SLC27A5: variants seen among roughly 807,000 people sequenced by gnomAD.
SLC27A5 encodes the protein solute carrier family 27 member 5.
In SLC27A5, 47 loss-of-function variants were observed where a neutral mutation model predicts 63.1. That is an observed-to-expected ratio of 0.74 (90% CI 0.59 to 0.95). The LOEUF is 0.95. Among genes scored for constraint, SLC27A5 ranks in the 40% least tolerant of loss-of-function variants. The pLI, the probability that SLC27A5 is intolerant of heterozygous loss-of-function variation, is 0.00. For missense variants in SLC27A5, 940 were observed against 921.0 expected (o/e 1.02, Z -0.27); for synonymous variants, 391 against 403.8 (o/e 0.97, Z 0.38).
Position 58,501,213 on chromosome 19 carries a change from T to G in SLC27A5, c.1182+73A>C. 1.9e-6 allele frequency: 3 copies of G among 1,561,082 alleles called. No homozygotes were observed. The African/African-American group carries it at 4.1e-5, about 21-fold the overall frequency. On this transcript the variant is annotated intron_variant, in intron 4 of 9. Coordinates refer to ENST00000263093, the MANE Select transcript of SLC27A5 (RefSeq NM_012254.3). Reference sequence around the variant, plus strand: ...GAGGGACTTGAGTTCAGTACCTGAATCTTTACCTGAGACCTTTACCTGGGA... The same window carrying G: ...GAGGGACTTGAGTTCAGTACCTGAAGCTTTACCTGAGACCTTTACCTGGGA...
At chr19:58,503,029 A>G (rs1247485448) in intron 3 of SLC27A5, among the ~76,000 whole-genome samples, 1 of 151,856 alleles carries the variant, frequency 6.6e-6, no homozygotes, top group Non-Finnish European at 1.5e-5. Context: ...ACACGGTGAA[A>G]CCCGTCTCTA....
chr19:58,503,372 A>G (rs1286891811), intron 3 of SLC27A5, among the ~76,000 whole-genome samples: 2 of 151,956 alleles, frequency 1.3e-5, no homozygotes, highest in Non-Finnish European at 2.9e-5. Context: ...TTAATAAGAT[A>G]TAGGGGGCTG....
chr19:58,510,374 G>A, intron 2 of SLC27A5: 1 of 328,840 alleles, frequency 3.0e-6, no homozygotes, highest in Non-Finnish European at 5.6e-6. Context: ...AGGGGTTAGA[G>A]ACCAGCCTGG....
rs1170345884 is a variant in SLC27A5 at position 58,499,208 on chromosome 19, C to G, written c.1680G>C (p.Glu560Asp). 6.2e-7 allele frequency: 1 copy of G among 1,613,832 alleles called. No individual in the cohort carries two copies. Among genetic ancestry groups the G allele is most frequent in the Middle Eastern group, 1.6e-4 (1 of 6,062 alleles). Residue 560 changes from glutamate (E) to aspartate (D), a missense_variant, in exon 8 of 10, where the codon GAG becomes GAC. Transcript: ENST00000263093. ...RLGDTFRWKG[E>D]NVSTHEVEGV... Reference sequence around the variant, plus strand: ...CCTCCACCTCGTGCGTGGACACGTTCTCGCCCTTCCATCTGCAAGGAGGGA... The same window carrying G: ...CCTCCACCTCGTGCGTGGACACGTTGTCGCCCTTCCATCTGCAAGGAGGGA...
Position 58,510,876 on chromosome 19 carries a change from C to T in SLC27A5, c.743G>A (p.Arg248His), listed in dbSNP as rs138318343. ...ILPKLQAENI[R>H]CFYLSHTSPT... ...GGAGGTATGGCTGAGGTAGAAGCAG[C>T]GGATGTTCTCAGCCTGCAGCTTGGG... Residue 248 changes from arginine to histidine, a missense_variant, in exon 2 of 10, where the codon CGC becomes CAC. Arg to His is a conservative substitution (Grantham distance 29). Coordinates refer to ENST00000263093, the MANE Select transcript of SLC27A5 (RefSeq NM_012254.3). 1,069 of 1,612,524 alleles carry T rather than the reference C, an allele frequency of 6.6e-4. 5 individuals are homozygous for T. Among genetic ancestry groups the T allele is most frequent in the South Asian group, 3.1e-3 (285 of 90,746 alleles).
At chr19:58,505,880 C>T (rs943825689) in intron 3 of SLC27A5, among the ~76,000 whole-genome samples, 7 of 150,508 alleles carry the variant, frequency 4.7e-5, no homozygotes, top group South Asian at 2.1e-4. Flanking sequence ...TGGCCGGGCA[C>T]GGTAGTTCAC....
At chr19:58,499,741 C>T in intron 6 of SLC27A5, 51 bp from the exon 7 acceptor site, 1 of 1,576,426 alleles carries the variant, frequency 6.3e-7, no homozygotes, top group South Asian at 1.1e-5. Context: ...GCCAAGCCCC[C>T]TGCTGGAGGT....
intron 3 of SLC27A5, among the ~76,000 whole-genome samples, chr19:58,504,790 G>A (rs192868856): frequency 5.9e-5 from 9 of 152,212 alleles, no homozygotes; most frequent in Non-Finnish European, 1.5e-5. Flanking sequence ...CGGATCACGA[G>A]GTCAGGAGAT....
At chr19:58,503,790 A>AAAAC (rs139457320) in intron 3 of SLC27A5, among the ~76,000 whole-genome samples, 1,566 of 152,018 alleles carry the variant, frequency 0.01, 22 homozygotes, top group African/African-American at 0.028. Flanking sequence ...TTAATTGTTA[A>AAAAC]AAACAAACAA....
At chr19:58,509,710 A>C in intron 3 of SLC27A5, 137 bp downstream of exon 3, 1 of 757,940 alleles carries the variant, frequency 1.3e-6, no homozygotes, top group East Asian at 2.9e-5. Flanking sequence ...CCTGGTAGTC[A>C]TTGGTGGGTG....
At chr19:58,499,303 G>T in intron 7 of SLC27A5, 83 bp from the exon 8 acceptor site, 1 of 1,446,996 alleles carries the variant, frequency 6.9e-7, no homozygotes. Context: ...CCCCTTTTGG[G>T]GATCAGGAGG....
chr19:58,499,444 C>T (rs1294639497), intron 7 of SLC27A5, 48 bp downstream of exon 7: 3 of 1,589,528 alleles, frequency 1.9e-6, no homozygotes, highest in South Asian at 2.2e-5. Context: ...GATCTGAAAG[C>T]GTCCGTGGCC....
rs1193317227 is a variant in SLC27A5, at chr19:58,498,805, G to A, written c.1876C>T (p.Pro626Ser). 1 of 1,613,994 alleles carries A rather than the reference G, an allele frequency of 6.2e-7. No individual in the cohort carries two copies. The highest frequency in any genetic ancestry group is 8.5e-7 in the Non-Finnish European group (1 of 1,179,976). Residue 626 changes from proline to serine, a missense_variant, in exon 9 of 10, where the codon CCC becomes TCC. Pro to Ser is a moderately conservative substitution (Grantham distance 74). Transcript: ENST00000263093. ...CTCACCTGGATGCGGATGAAATGGG[G>A]GGTAGCGTAGGCAGGGAGCCAAGCG... is the stretch of plus-strand genomic sequence containing the variant. ...VRAWLPAYATPHFIRIQDAME... is the reference protein window; with the variant it reads ...VRAWLPAYATSHFIRIQDAME...
chr19:58,504,521 T>C (rs940608175), intron 3 of SLC27A5, among the ~76,000 whole-genome samples: 14 of 128,582 alleles, frequency 1.1e-4, no homozygotes, highest in African/African-American at 4.2e-4. Context: ...TGGCGGTGCG[T>C]GCCTGTAATC....
rs139127895 is a variant in SLC27A5, at chr19:58,511,443, G to A, written c.513C>T (p.Ala171=). 2.2e-5 allele frequency: 35 copies of A among 1,600,248 alleles called. No individual in the cohort carries two copies. Among genetic ancestry groups the A allele is most frequent in the Admixed American group, 5.2e-5 (3 of 57,652 alleles). ...AELGDPASLC[A]GEPTALLVLA... ...GCACAAGGAGGGCAGTAGGCTCCCC[G>A]GCACACAGGCTCGCAGGGTCACCCA... is the stretch of plus-strand genomic sequence containing the variant. The change falls in exon 1 of 10, where the codon GCC becomes GCT. Residue 171 remains alanine, a synonymous_variant. Transcript: ENST00000263093.
At position 58,499,123 on chromosome 19, in the gene SLC27A5, C is replaced by G; in HGVS notation, c.1765G>C (p.Gly589Arg). The G allele has an allele frequency of 1.2e-6, 2 of 1,614,002 alleles. No homozygotes were observed. Among genetic ancestry groups the G allele is most frequent in the Non-Finnish European group, 1.7e-6 (2 of 1,179,996 alleles). Residue 589 changes from glycine to arginine, a missense_variant and splice_region_variant, in exon 8 of 10, where the codon GGT becomes CGT. Coordinates refer to ENST00000263093, the MANE Select transcript of SLC27A5 (RefSeq NM_012254.3). ...AGTTTAAAATGAGAACCCTCCGCAC[C>G]TGGCACGCACACGCCATACACGTTA... ...QVNVYGVCVP[G>R]CEGKVGMAAV...
intron 2 of SLC27A5, chr19:58,510,306 G>C (rs1568633780): frequency 2.6e-6 from 1 of 388,966 alleles, no homozygotes; most frequent in African/African-American, 2.1e-5. Flanking sequence ...GGGAGCAGTG[G>C]CTCACGCCTG....
intron 3 of SLC27A5, among the ~76,000 whole-genome samples, chr19:58,506,229 G>A (rs2053345378): frequency 6.6e-6 from 1 of 151,652 alleles, no homozygotes; most frequent in African/African-American, 2.4e-5. Context: ...ACCTGGCCAT[G>A]ATAAAAGTTT....
chr19:58,508,677 G>C (rs1230908717), intron 3 of SLC27A5: 1 of 152,024 alleles, frequency 6.6e-6, no homozygotes, highest in Non-Finnish European at 1.5e-5. Flanking sequence ...GCCCACGCTG[G>C]TGTTGAACTC....
Sources: gnomAD v4.1 joint callset for allele counts (sites outside exome capture counted in the v4.1 genomes callset) on GRCh38, gnomAD v4.1.1 for gene constraint, MANE v1.5 for transcripts, NCBI Gene and HGNC (gene_info 2026-07-23, HGNC 2026-07-21) for gene names.